The following RHOU variants were observed in gnomAD, a reference collection of about 807,000 sequenced individuals.
RHOU encodes rho-related GTP-binding protein RhoU.
Under a neutral mutation model 12.6 loss-of-function variants are expected in RHOU, and 8 were observed. The ratio of observed to expected loss-of-function variants is 0.64; its 90% confidence interval spans 0.37 to 1.15. RHOU has a LOEUF of 1.15. Among genes scored for constraint, RHOU ranks in the 50% most tolerant of loss-of-function variants. The pLI, the probability that RHOU is intolerant of heterozygous loss-of-function variation, is 0.01. For synonymous variants in RHOU, 161 were observed against 147.4 expected (o/e 1.09, Z -0.67); for missense variants, 258 against 347.0 (o/e 0.74, Z 2.04).
chr1:228,744,452 A>G lies in RHOU; in HGVS notation c.*712A>G, dbSNP rs914282186. 7 of 152,356 alleles carry G rather than the reference A, an allele frequency of 4.6e-5. No homozygotes were observed. Among genetic ancestry groups the G allele is most frequent in the Middle Eastern group, 3.4e-3 (1 of 294 alleles). The allele number at this position is 152,356 out of a possible 1,614,324, so 9.4% of individuals were successfully genotyped here. A position where few individuals can be genotyped will look rare whatever the true frequency, so the allele number is the denominator to read the frequency against. ...CACATATGAACACAGACAAAGTGCT[A>G]TGCGGAGGAAAGCAAGTGTTGGTCA... On this transcript the variant is annotated 3_prime_UTR_variant, in exon 3 of 3. Coordinates refer to ENST00000366691, the MANE Select transcript of RHOU (RefSeq NM_021205.6).
the RHOU span, among the ~76,000 whole-genome samples, chr1:228,725,348 T>C: frequency 8.5e-5 from 13 of 152,152 alleles, no homozygotes; most frequent in African/African-American, 3.1e-4. Context: ...TGCTGTCCTT[T>C]AGAGGTACAG....
chr1:228,680,581 G>A, the RHOU span, among the ~76,000 whole-genome samples: 50 of 152,274 alleles, frequency 3.3e-4, no homozygotes, highest in East Asian at 7.9e-3. Context: ...CCTTGAAGGC[G>A]AGGTTGATTA....
chr1:228,661,486 G>A, the RHOU span, among the ~76,000 whole-genome samples: 1 of 152,112 alleles, frequency 6.6e-6, no homozygotes, highest in Non-Finnish European at 1.5e-5. Context: ...CAGAGATATA[G>A]ACCAATGGAA....
the RHOU span, among the ~76,000 whole-genome samples, chr1:228,681,645 T>C: frequency 1.8e-3 from 276 of 152,202 alleles, 2 homozygotes; most frequent in Middle Eastern, 0.024. Flanking sequence ...GAAAGTGTCA[T>C]TTTCTGGCCA....
the RHOU span, among the ~76,000 whole-genome samples, chr1:228,693,062 G>A: frequency 1.3e-5 from 2 of 152,118 alleles, no homozygotes; most frequent in Non-Finnish European, 2.9e-5. Context: ...CCTTTTCAAA[G>A]GGAAAGTTTA....
the RHOU span, among the ~76,000 whole-genome samples, chr1:228,662,024 T>C: frequency 1.1e-4 from 16 of 152,276 alleles, no homozygotes; most frequent in African/African-American, 3.9e-4. Context: ...ACAAAGTATA[T>C]GAACAGACAC....
At chr1:228,695,120 C>T in the RHOU span, among the ~76,000 whole-genome samples, 18 of 152,094 alleles carry the variant, frequency 1.2e-4, no homozygotes, top group African/African-American at 4.3e-4. Flanking sequence ...CAGGCATGCA[C>T]TACCACACCC....
the RHOU span, among the ~76,000 whole-genome samples, chr1:228,707,308 T>G: frequency 7.9e-6 from 1 of 126,952 alleles, no homozygotes; most frequent in African/African-American, 3.0e-5. Flanking sequence ...GTGTATAAAA[T>G]ACCCAAAGCA....
the RHOU span, among the ~76,000 whole-genome samples, chr1:228,654,841 C>T: frequency 1.3e-5 from 2 of 151,994 alleles, no homozygotes; most frequent in Non-Finnish European, 2.9e-5. Context: ...CATGGGATAC[C>T]AGATGATAAA....
At position 228,736,015 on chromosome 1, in the gene RHOU, C is replaced by G. The variant is rs1278198794; in HGVS notation, c.262+11C>G. 1.6e-5 allele frequency: 25 copies of G among 1,569,160 alleles called. No homozygotes were observed. In the Admixed American group the frequency reaches 4.3e-4, roughly 27 times the overall value. ...TCGACAACTTCTCCGGTGAGCTGGC[C>G]GGGGGGCCGGGGCCGGGGGCGCGTG... On this transcript the variant is annotated intron_variant, in intron 1 of 2. Transcript: ENST00000366691.
chr1:228,653,342 G>A, the RHOU span, among the ~76,000 whole-genome samples: 4 of 151,786 alleles, frequency 2.6e-5, no homozygotes, highest in Non-Finnish European at 4.4e-5. Context: ...TTTTTTTGAC[G>A]GAGTTTTGCT....
chr1:228,730,110 A>G, the RHOU span, among the ~76,000 whole-genome samples: 2 of 152,182 alleles, frequency 1.3e-5, no homozygotes, highest in Admixed American at 1.3e-4. Flanking sequence ...TAAACAAGAA[A>G]CTATTGGTCA....
the RHOU span, among the ~76,000 whole-genome samples, chr1:228,669,049 C>A: frequency 6.6e-6 from 1 of 152,190 alleles, no homozygotes. Flanking sequence ...CCCTGGAGGG[C>A]ACTAAGCAGG....
chr1:228,647,168 G>A, the RHOU span, among the ~76,000 whole-genome samples: 1 of 152,220 alleles, frequency 6.6e-6, no homozygotes. Context: ...GGGCGGCCAG[G>A]CGGCCCGTGC....
chr1:228,650,521 G>T, the RHOU span: 1 of 456,604 alleles, frequency 2.2e-6, no homozygotes, highest in Non-Finnish European at 4.4e-6. Context: ...GAGCTGCCAC[G>T]GGCAGAAGCT....
chr1:228,721,517 C>T, the RHOU span, among the ~76,000 whole-genome samples: 7 of 152,206 alleles, frequency 4.6e-5, no homozygotes, highest in Non-Finnish European at 8.8e-5. Flanking sequence ...AACACACGTG[C>T]GCCTTATCAG....
At chr1:228,695,609 A>G in the RHOU span, among the ~76,000 whole-genome samples, 6 of 152,158 alleles carry the variant, frequency 3.9e-5, no homozygotes, top group Non-Finnish European at 5.9e-5. Flanking sequence ...TGGCTCACAG[A>G]ACTCAGTTTA....
chr1:228,696,263 A>G, the RHOU span, among the ~76,000 whole-genome samples: 2 of 151,090 alleles, frequency 1.3e-5, no homozygotes, highest in African/African-American at 4.8e-5. Flanking sequence ...AGTCCCTTAG[A>G]AACATTTACT....
chr1:228,718,298 T>G, the RHOU span, among the ~76,000 whole-genome samples: 1 of 152,184 alleles, frequency 6.6e-6, no homozygotes, highest in Non-Finnish European at 1.5e-5. Flanking sequence ...CAAATAAGTT[T>G]TAAGGACAGA....
Sources: allele counts gnomAD v4.1 joint callset (sites outside exome capture counted in the v4.1 genomes callset), GRCh38; gene constraint gnomAD v4.1.1; transcripts MANE v1.5; gene names NCBI Gene and HGNC (gene_info 2026-07-23, HGNC 2026-07-21).